CLDN18: variants seen among roughly 807,000 people sequenced by gnomAD.
CLDN18 encodes the protein claudin 18, also known as claudin-18.
A neutral mutation model predicts 25.0 loss-of-function variants in CLDN18; 20 were observed. The observed-to-expected ratio is 0.80, with a 90% CI of 0.56 to 1.16. The LOEUF (loss-of-function observed/expected upper bound fraction) is 1.16. Among genes scored for constraint, CLDN18 ranks in the 50% most tolerant of loss-of-function variants. The pLI is 0.00. For missense variants in CLDN18, 297 were observed against 345.4 expected, an observed-to-expected ratio of 0.86 and a Z score of 1.11; for synonymous variants, 125 against 135.6, an observed-to-expected ratio of 0.92 and a Z score of 0.54.
intron 1 of CLDN18, among the ~76,000 whole-genome samples, chr3:138,022,782 C>T (rs758149892): frequency 1.6e-4 from 25 of 152,216 alleles, no homozygotes; most frequent in South Asian, 4.1e-4. Context: ...GACTGTCATT[C>T]GCCACTTTGG....
chr3:138,028,784 C>A (rs978999969), intron 3 of CLDN18, among the ~76,000 whole-genome samples: 21 of 152,094 alleles, frequency 1.4e-4, no homozygotes, highest in African/African-American at 5.1e-4. Flanking sequence ...TAATTGAGTC[C>A]CATTGGAGGC....
chr3:138,008,128 A>G (rs959834443), upstream of CLDN18, among the ~76,000 whole-genome samples: 13 of 151,314 alleles, frequency 8.6e-5, no homozygotes, highest in Middle Eastern at 3.4e-3. Context: ...GGCTGGGTGC[A>G]CCCAAGATAA....
chr3:138,020,517 T>G (rs1208202510), intron 1 of CLDN18, among the ~76,000 whole-genome samples: 2 of 152,354 alleles, frequency 1.3e-5, no homozygotes, highest in African/African-American at 4.8e-5. Context: ...TTTCAAAATT[T>G]CTCATTGATT....
At chr3:138,017,948 G>A (rs1316526229) in intron 1 of CLDN18, among the ~76,000 whole-genome samples, 1 of 152,198 alleles carries the variant, frequency 6.6e-6, no homozygotes, top group East Asian at 1.9e-4. Context: ...CTAGGAACCA[G>A]AATGCCTGCT....
intron 1 of CLDN18, among the ~76,000 whole-genome samples, chr3:138,012,124 T>C (rs1942142655): frequency 5.3e-5 from 8 of 152,284 alleles, no homozygotes; most frequent in Admixed American, 5.2e-4. Context: ...GCCTCCTTCC[T>C]GGGGAAATCT....
At chr3:138,011,255 A>G (rs1401661875) in intron 1 of CLDN18, among the ~76,000 whole-genome samples, 3 of 152,226 alleles carry the variant, frequency 2.0e-5, no homozygotes, top group Admixed American at 6.5e-5. Context: ...GGTGGCCAAG[A>G]TGTGAGTGTG....
intron 2 of CLDN18, 94 bp from the exon 3 acceptor site, chr3:138,024,513 C>T (rs1349718039): frequency 1.4e-6 from 1 of 737,292 alleles, no homozygotes; most frequent in Non-Finnish European, 2.5e-6. Context: ...TATTCTGCAG[C>T]CTACTCATCT....
chr3:138,006,275 C>A (rs1942068781), upstream of CLDN18, among the ~76,000 whole-genome samples: 1 of 152,098 alleles, frequency 6.6e-6, no homozygotes, highest in South Asian at 2.1e-4. Flanking sequence ...TTTATTTCTT[C>A]CTAATTCCTA....
At chr3:138,011,779 C>G (rs981786806) in intron 1 of CLDN18, among the ~76,000 whole-genome samples, 23 of 152,196 alleles carry the variant, frequency 1.5e-4, no homozygotes, top group Non-Finnish European at 2.1e-4. Flanking sequence ...TTATCAATCT[C>G]TTGCTCACTG....
At chr3:138,007,119 T>C (rs1942078042), upstream of CLDN18, among the ~76,000 whole-genome samples, 3 of 152,306 alleles carry the variant, frequency 2.0e-5, no homozygotes, top group Middle Eastern at 6.8e-3. Context: ...ATGTCATAAA[T>C]TGAACATCTG....
chr3:138,022,327 A>G (rs1176600153), intron 1 of CLDN18, among the ~76,000 whole-genome samples: 1 of 152,178 alleles, frequency 6.6e-6, no homozygotes, highest in Non-Finnish European at 1.5e-5. Context: ...ATCAAGGTCA[A>G]TATTACTACT....
At chr3:138,019,124 C>A (rs980489305) in intron 1 of CLDN18, among the ~76,000 whole-genome samples, 2 of 152,128 alleles carry the variant, frequency 1.3e-5, no homozygotes, top group Non-Finnish European at 2.9e-5. Flanking sequence ...TAGGTTTATG[C>A]CAAGTAGCAT....
At chr3:138,014,001 C>T (rs1206568164) in intron 1 of CLDN18, among the ~76,000 whole-genome samples, 3 of 144,120 alleles carry the variant, frequency 2.1e-5, no homozygotes, top group Non-Finnish European at 4.5e-5. Context: ...GGGGTGGGGG[C>T]GGAAAGCACA....
intron 1 of CLDN18, among the ~76,000 whole-genome samples, chr3:138,017,538 G>A (rs1396132252): frequency 2.6e-5 from 4 of 152,098 alleles, no homozygotes; most frequent in African/African-American, 9.7e-5. Context: ...AAATCCATAA[G>A]GGAAAAAAAT....
At chr3:138,015,911 G>A (rs765692893) in intron 1 of CLDN18, among the ~76,000 whole-genome samples, 2 of 152,148 alleles carry the variant, frequency 1.3e-5, no homozygotes, top group Non-Finnish European at 1.5e-5. Flanking sequence ...AAGTTGTATT[G>A]TATAAACTAC....
At chr3:138,000,984 A>C (rs1418486794) in intron 1 of CLDN18, among the ~76,000 whole-genome samples, 1 of 152,262 alleles carries the variant, frequency 6.6e-6, no homozygotes, top group African/African-American at 2.4e-5. Context: ...ATTCTGCTTC[A>C]CAAAGGGAAA....
At chr3:137,999,011 G>A in exon 1 of CLDN18, 1 of 1,614,196 alleles carries the variant, frequency 6.2e-7, no homozygotes, top group Non-Finnish European at 8.5e-7. Flanking sequence ...AACTACCAGG[G>A]GCTGTGGCGC....
At chr3:138,009,559 C>A (rs1942105551), upstream of CLDN18, among the ~76,000 whole-genome samples, 1 of 152,168 alleles carries the variant, frequency 6.6e-6, no homozygotes, top group African/African-American at 2.4e-5. Flanking sequence ...GAGCGCTGGA[C>A]TGGAAGCTGA....
intron 3 of CLDN18, among the ~76,000 whole-genome samples, chr3:138,027,407 C>G (rs535751270): frequency 6.6e-6 from 1 of 152,260 alleles, no homozygotes; most frequent in South Asian, 2.1e-4. Flanking sequence ...TAACCTTGAC[C>G]CAGAGTGTCT....
Sources: allele counts gnomAD v4.1 joint callset (sites outside exome capture counted in the v4.1 genomes callset), GRCh38; gene constraint gnomAD v4.1.1; transcripts MANE v1.5; gene names NCBI Gene and HGNC (gene_info 2026-07-23, HGNC 2026-07-21).